Variants in SCG5 observed in about 807,000 individuals in gnomAD.
SCG5 encodes the protein secretogranin V.
In SCG5, 18 loss-of-function variants were observed where a neutral mutation model predicts 25.7. The observed-to-expected ratio is 0.70, with a 90% CI of 0.48 to 1.04. SCG5 has a LOEUF of 1.04. Among genes scored for constraint, SCG5 ranks in the 50% least tolerant of loss-of-function variants. The pLI is 0.00. For missense variants in SCG5, 206 were observed against 259.8 expected (o/e 0.79, Z 1.42); for synonymous variants, 101 against 91.7 (o/e 1.10, Z -0.58).
At chr15:32,696,244 A>C (rs1273796539) in intron 5 of SCG5, among the ~76,000 whole-genome samples, 1 of 151,984 alleles carries the variant, frequency 6.6e-6, no homozygotes, top group Non-Finnish European at 1.5e-5. Context: ...CAGCCTCCCA[A>C]GTAGCTGGGA....
At chr15:32,693,794 TGAG>T (rs1322518528) in intron 5 of SCG5, among the ~76,000 whole-genome samples, 1 of 152,132 alleles carries the variant, frequency 6.6e-6, no homozygotes, top group African/African-American at 2.4e-5. Context: ...AGCAGTGCCT[TGAG>T]TTTTTCAGAG....
At chr15:32,679,644 C>A in intron 2 of SCG5, 122 bp from the exon 3 acceptor site, 4 of 1,045,736 alleles carry the variant, frequency 3.8e-6, no homozygotes, top group Non-Finnish European at 5.7e-6. Context: ...AGAACCATTT[C>A]ATTTATTTTT....
chr15:32,642,357 C>G (rs1470753621), intron 1 of SCG5, among the ~76,000 whole-genome samples: 1 of 151,658 alleles, frequency 6.6e-6, no homozygotes, highest in Non-Finnish European at 1.5e-5. Context: ...CACCTGAGGT[C>G]AGGAGTTCGA....
At chr15:32,655,661 G>C (rs552064688) in intron 2 of SCG5, among the ~76,000 whole-genome samples, 1 of 152,178 alleles carries the variant, frequency 6.6e-6, no homozygotes, top group South Asian at 2.1e-4. Context: ...GTCTTTGGGG[G>C]TGATTAGACC....
intron 2 of SCG5, among the ~76,000 whole-genome samples, chr15:32,663,884 G>A (rs1054143725): frequency 2.0e-5 from 3 of 152,290 alleles, no homozygotes; most frequent in Admixed American, 6.5e-5. Flanking sequence ...ACACTGCAAC[G>A]CTGGTTTATG....
At chr15:32,647,725 T>G (rs956460361) in intron 2 of SCG5, among the ~76,000 whole-genome samples, 29 of 152,332 alleles carry the variant, frequency 1.9e-4, no homozygotes, top group African/African-American at 7.0e-4. Flanking sequence ...AGGCACTGTT[T>G]TAGGTACTGA....
At chr15:32,693,191 A>G (rs974450858) in intron 5 of SCG5, among the ~76,000 whole-genome samples, 20 of 152,124 alleles carry the variant, frequency 1.3e-4, no homozygotes, top group African/African-American at 4.8e-4. Flanking sequence ...TTAGCTTGAA[A>G]CTTTAATTGT....
intron 3 of SCG5, among the ~76,000 whole-genome samples, chr15:32,683,981 A>G (rs1299019991): frequency 6.6e-6 from 1 of 152,252 alleles, no homozygotes. Flanking sequence ...GTATGGCTCA[A>G]CGCAATAGAA....
chr15:32,663,982 TGGAAA>T (rs538270260), intron 2 of SCG5, among the ~76,000 whole-genome samples: 10,977 of 152,250 alleles, frequency 0.072, 547 homozygotes, highest in Middle Eastern at 0.18. Flanking sequence ...ACGGTTTAGC[TGGAAA>T]ATATCTCCCA....
intron 2 of SCG5, among the ~76,000 whole-genome samples, chr15:32,652,669 A>G (rs11639448): frequency 0.2 from 29,869 of 152,148 alleles, 3,225 homozygotes; most frequent in South Asian, 0.32. Context: ...GTTTGCAAGC[A>G]CTGTACTAAT....
intron 2 of SCG5, among the ~76,000 whole-genome samples, chr15:32,667,036 T>C (rs951128876): frequency 4.6e-5 from 7 of 152,204 alleles, no homozygotes; most frequent in Non-Finnish European, 1.0e-4. Flanking sequence ...AAAAAGAATA[T>C]AAAAAGTCTC....
intron 2 of SCG5, among the ~76,000 whole-genome samples, chr15:32,677,980 A>G (rs1175022550): frequency 3.9e-5 from 6 of 152,226 alleles, no homozygotes; most frequent in African/African-American, 9.6e-5. Context: ...AGTATTTGGT[A>G]GAGACATGAA....
intron 5 of SCG5, among the ~76,000 whole-genome samples, chr15:32,694,678 A>G (rs372495603): frequency 1.3e-5 from 2 of 152,280 alleles, no homozygotes; most frequent in East Asian, 3.8e-4. Context: ...ATGAATTCTC[A>G]GCAAGGTGTT....
At chr15:32,658,615 C>T (rs1212157596) in intron 2 of SCG5, among the ~76,000 whole-genome samples, 1 of 152,124 alleles carries the variant, frequency 6.6e-6, no homozygotes, top group Admixed American at 6.6e-5. Flanking sequence ...TACTCAGGGC[C>T]CTAAGCTCAC....
chr15:32,673,287 G>C (rs947707768), intron 2 of SCG5: 1 of 152,198 alleles, frequency 6.6e-6, no homozygotes, highest in African/African-American at 2.4e-5. Flanking sequence ...GTTCTTAGCA[G>C]CCACACCGAT....
rs553223377 is a variant in SCG5 at position 32,696,406 on chromosome 15, C to T, written c.544-108C>T. ...TGCTGGGATTACAGGCGTGAGCCAC[C>T]GCGCCCGGCCCCAGAAACGATTCTT... On this transcript the variant is annotated intron_variant, in intron 5 of 5. Coordinates refer to ENST00000300175, the MANE Select transcript of SCG5 (RefSeq NM_001144757.3). 3.1e-4 allele frequency: 240 copies of T among 770,328 alleles called. 1 individual carries two copies. Among genetic ancestry groups the T allele is most frequent in the East Asian group, 1.6e-3 (57 of 35,946 alleles). The allele number at this position is 770,328 out of a possible 1,614,324, so 47.7% of individuals were successfully genotyped here.
At chr15:32,656,141 G>T (rs1282899179) in intron 2 of SCG5, 1 of 152,214 alleles carries the variant, frequency 6.6e-6, no homozygotes, top group Admixed American at 6.5e-5. Flanking sequence ...TTGGCAAGCC[G>T]ACTCCTCTTT....
chr15:32,693,669 C>T (rs995826588), intron 5 of SCG5, among the ~76,000 whole-genome samples: 1 of 152,176 alleles, frequency 6.6e-6, no homozygotes, highest in African/African-American at 2.4e-5. Context: ...TGTGAGTTTC[C>T]AGAGGACATT....
intron 2 of SCG5, among the ~76,000 whole-genome samples, chr15:32,668,516 C>T (rs1301264633): frequency 1.3e-5 from 2 of 152,222 alleles, no homozygotes; most frequent in East Asian, 1.9e-4. Context: ...GACCACTCCC[C>T]TGGCCAGTGC....
Sources: allele counts gnomAD v4.1 joint callset (sites outside exome capture counted in the v4.1 genomes callset), GRCh38; gene constraint gnomAD v4.1.1; transcripts MANE v1.5; gene names NCBI Gene and HGNC (gene_info 2026-07-23, HGNC 2026-07-21).